PRPF3: variants seen among roughly 807,000 people sequenced by gnomAD.
The protein encoded by PRPF3 is U4/U6 small nuclear ribonucleoprotein Prp3.
Under a neutral mutation model 89.2 loss-of-function variants are expected in PRPF3, and 3 were observed. That is an observed-to-expected ratio of 0.03 (90% CI 0.02 to 0.09). The LOEUF is 0.09. Among genes scored for constraint, PRPF3 ranks in the 10% least tolerant of loss-of-function variants. PRPF3 has a pLI of 1.00. For synonymous variants in PRPF3, 270 were observed against 289.1 expected (o/e 0.93, Z 0.67); for missense variants, 463 against 828.8 (o/e 0.56, Z 5.42).
At chr1:150,324,568 G>T (rs782499290) in intron 1 of PRPF3, among the ~76,000 whole-genome samples, 150,195 of 150,368 alleles carry the variant, frequency 1, 75,012 homozygotes, top group Middle Eastern at 1. Context: ...TTTTTTTTTT[G>T]TAGAGAGAGT....
At position 150,352,858 on chromosome 1, in the gene PRPF3, G is replaced by C; in HGVS notation, c.1931G>C (p.Gly644Ala). Reference protein sequence around the residue: ...WEGTAKDRSFGEMKFKQCPTE... With the variant: ...WEGTAKDRSFAEMKFKQCPTE... ...GGTACAGCCAAAGACCGGAGCTTTGGAGAGATGAAGTTTAAACAGTGTCCT... is the reference window on the plus strand; with the variant it reads ...GGTACAGCCAAAGACCGGAGCTTTGCAGAGATGAAGTTTAAACAGTGTCCT... The change falls in exon 16 of 16, where the codon GGA becomes GCA. Residue 644 changes from glycine to alanine, a missense_variant. Coordinates refer to ENST00000324862, the MANE Select transcript of PRPF3 (RefSeq NM_004698.4). 6.2e-7 allele frequency: 1 copy of C among 1,614,190 alleles called. No individual in the cohort carries two copies. The highest frequency in any genetic ancestry group is 8.5e-7 in the Non-Finnish European group (1 of 1,180,034).
chr1:150,323,686 T>A (rs142099755), intron 1 of PRPF3, among the ~76,000 whole-genome samples: 3 of 151,926 alleles, frequency 2.0e-5, no homozygotes, highest in Non-Finnish European at 2.9e-5. Flanking sequence ...TCAAGTCAGC[T>A]GATGGAGACC....
At chr1:150,343,237 GAAA>G (rs201623637) in intron 9 of PRPF3, 69 bp from the exon 10 acceptor site, 145 of 830,928 alleles carry the variant, frequency 1.7e-4, no homozygotes, top group African/African-American at 3.6e-4. Flanking sequence ...GTGAGAGAGA[GAAA>G]AAAAAAAAAT....
intron 6 of PRPF3, among the ~76,000 whole-genome samples, chr1:150,333,427 C>T (rs1035721810): frequency 2.6e-5 from 4 of 151,996 alleles, no homozygotes; most frequent in Admixed American, 6.6e-5. Context: ...ATTAGCCAGG[C>T]GTGGTGGTGC....
At chr1:150,343,607 T>C (rs1393113013) in intron 10 of PRPF3, among the ~76,000 whole-genome samples, 155 bp downstream of exon 10, 1 of 152,214 alleles carries the variant, frequency 6.6e-6, no homozygotes, top group Non-Finnish European at 1.5e-5. Context: ...TCTTTTCATA[T>C]TAAGATAGGT....
At chr1:150,349,024 C>G in intron 14 of PRPF3, 133 bp from the exon 15 acceptor site, 1 of 787,742 alleles carries the variant, frequency 1.3e-6, no homozygotes, top group Non-Finnish European at 2.2e-6. Flanking sequence ...AAATAAAGAG[C>G]AACAGAAAAG....
intron 12 of PRPF3, chr1:150,345,561 G>T: frequency 5.1e-6 from 1 of 196,580 alleles, no homozygotes; most frequent in Non-Finnish European, 1.1e-5. Flanking sequence ...ATGTTGGCCA[G>T]GCTGGTCTTA....
chr1:150,333,695 T>C (rs896617075), intron 6 of PRPF3, among the ~76,000 whole-genome samples: 1 of 152,236 alleles, frequency 6.6e-6, no homozygotes, highest in Non-Finnish European at 1.5e-5. Context: ...GAGGGTTTAT[T>C]ATCTTCTTAT....
chr1:150,339,821 T>C (rs1411820245), intron 8 of PRPF3, among the ~76,000 whole-genome samples: 1 of 150,160 alleles, frequency 6.7e-6, no homozygotes. Flanking sequence ...TCTCCTGGGT[T>C]GAAGCAGTTC....
At chr1:150,341,105 C>CA (rs71086503) in intron 9 of PRPF3, among the ~76,000 whole-genome samples, 3,409 of 86,430 alleles carry the variant, frequency 0.039, 142 homozygotes, top group African/African-American at 0.12. Context: ...GACCTTGTCT[C>CA]AAAAAAAAAA....
intron 6 of PRPF3, among the ~76,000 whole-genome samples, chr1:150,334,644 A>G (rs1553866739): frequency 1.3e-5 from 2 of 151,912 alleles, no homozygotes; most frequent in South Asian, 2.1e-4. Context: ...CTTATAGAGA[A>G]GGCACTGCAG....
Position 150,352,886 on chromosome 1 carries a change from A to T in PRPF3, c.1959A>T (p.Thr653=), listed in dbSNP as rs1553874722. The change falls in exon 16 of 16, where the codon ACA becomes ACT. Residue 653 remains threonine (T), a synonymous_variant. Transcript: ENST00000324862. ...FGEMKFKQCP[T]ENMAREHFKK... Reference sequence around the variant, plus strand: ...AGATGAAGTTTAAACAGTGTCCTACAGAGAACATGGCTCGTGAGCATTTCA... The same window carrying T: ...AGATGAAGTTTAAACAGTGTCCTACTGAGAACATGGCTCGTGAGCATTTCA... 1 of 1,614,218 alleles carries T rather than the reference A, an allele frequency of 6.2e-7. No homozygotes were observed. Among genetic ancestry groups the T allele is most frequent in the East Asian group, 2.2e-5 (1 of 44,888 alleles).
In PRPF3 at chr1:150,324,921, A is replaced by G; in HGVS notation, c.-22A>G. On this transcript the variant is annotated 5_prime_UTR_variant, in exon 2 of 16. Coordinates refer to ENST00000324862, the MANE Select transcript of PRPF3 (RefSeq NM_004698.4). ...TGTAGTATTGAGTCCTGTTTGAGCTATTGTTCTCTTTTTCCTGAAAAATGG... is the reference window on the plus strand; with the variant it reads ...TGTAGTATTGAGTCCTGTTTGAGCTGTTGTTCTCTTTTTCCTGAAAAATGG... 4 of 1,572,718 alleles carry G rather than the reference A, an allele frequency of 2.5e-6. No individual in the cohort carries two copies. The highest frequency in any genetic ancestry group is 3.4e-6 in the Non-Finnish European group (4 of 1,160,738).
At chr1:150,351,842 C>T (rs1313823580) in intron 15 of PRPF3, among the ~76,000 whole-genome samples, 3 of 151,888 alleles carry the variant, frequency 2.0e-5, no homozygotes, top group Non-Finnish European at 2.9e-5. Flanking sequence ...CCTCATCTTT[C>T]AATTTTCTTC....
chr1:150,333,308 G>T lies in PRPF3; in HGVS notation c.728+109G>T. The T allele has an allele frequency of 3.2e-6, 4 of 1,246,568 alleles. No individual in the cohort carries two copies. The East Asian group carries it at 7.6e-5, about 24-fold the overall frequency. 77.2% of individuals were successfully genotyped at this position (1,246,568 alleles called of 1,614,324 possible). On this transcript the variant is annotated intron_variant, in intron 6 of 15. Transcript: ENST00000324862. The stretch of plus-strand genomic sequence containing the variant: ...GGCGCAGTGCCTCAGGCCTGTAATC[G>T]TAGCACTTTGGGAGGCTGAGGTAGG...
chr1:150,346,186 A>AG, intron 13 of PRPF3, 50 bp downstream of exon 13: 2 of 1,492,296 alleles, frequency 1.3e-6, no homozygotes, highest in Non-Finnish European at 1.9e-6. Context: ...CCCTAGGCTT[A>AG]GAGTGATTAG....
intron 6 of PRPF3, 116 bp downstream of exon 6, chr1:150,333,315 T>G: frequency 8.6e-7 from 1 of 1,165,742 alleles, no homozygotes; most frequent in South Asian, 1.3e-5. Flanking sequence ...ATCGTAGCAC[T>G]TTGGGAGGCT....
At chr1:150,338,358 C>A in intron 8 of PRPF3, 32 bp downstream of exon 8, 2 of 1,601,478 alleles carry the variant, frequency 1.2e-6, no homozygotes, top group South Asian at 2.2e-5. Context: ...TTTAAAAAAA[C>A]AGTTTTTAAT....
intron 14 of PRPF3, among the ~76,000 whole-genome samples, chr1:150,347,502 G>A (rs1454267826): frequency 2.0e-5 from 3 of 152,078 alleles, no homozygotes; most frequent in South Asian, 2.1e-4. Flanking sequence ...AGGCCGAGGC[G>A]AGCAGATCAT....
Sources: allele counts gnomAD v4.1 joint callset (sites outside exome capture counted in the v4.1 genomes callset), GRCh38; gene constraint gnomAD v4.1.1; transcripts MANE v1.5; gene names NCBI Gene and HGNC (gene_info 2026-07-23, HGNC 2026-07-21).